Variants in MAP2K5 observed in about 807,000 individuals in gnomAD.
MAP2K5 encodes dual specificity mitogen-activated protein kinase kinase 5.
A neutral mutation model predicts 83.1 loss-of-function variants in MAP2K5; 49 were observed. The observed-to-expected ratio is 0.59, with a 90% CI of 0.47 to 0.75. The LOEUF (loss-of-function observed/expected upper bound fraction) is 0.75. Among genes scored for constraint, MAP2K5 ranks in the 30% least tolerant of loss-of-function variants. The probability of loss-of-function intolerance (pLI) is 0.00; values close to 1 mark genes in which losing one functional copy is unlikely to be tolerated. For missense variants in MAP2K5, 457 were observed against 557.5 expected (o/e 0.82, Z 1.82); for synonymous variants, 202 against 191.8 (o/e 1.05, Z -0.44).
At chr15:67,692,236 T>A (rs2088131887) in intron 13 of MAP2K5, among the ~76,000 whole-genome samples, 1 of 152,214 alleles carries the variant, frequency 6.6e-6, no homozygotes, top group African/African-American at 2.4e-5. Flanking sequence ...TTGATTTCAC[T>A]GTCACTTAAA....
intron 17 of MAP2K5, among the ~76,000 whole-genome samples, chr15:67,735,642 G>A (rs939403480): frequency 5.3e-5 from 8 of 152,216 alleles, no homozygotes; most frequent in Non-Finnish European, 8.8e-5. Flanking sequence ...GGAAAAGGGA[G>A]TGGTCAGCTC....
rs79137260 is a variant in MAP2K5 at position 67,731,368 on chromosome 15, A to G, written c.1074+3423A>G. Reference sequence around the variant, plus strand: ...GCCCTGGGAGCAACATAAAGGTTAAAGGGCTGGGTTTTTGTTGAGATAGCC... The same window carrying G: ...GCCCTGGGAGCAACATAAAGGTTAAGGGGCTGGGTTTTTGTTGAGATAGCC... On this transcript the variant is annotated intron_variant, in intron 17 of 21. Coordinates refer to ENST00000178640, the MANE Select transcript of MAP2K5 (RefSeq NM_145160.3). Among the ~76,000 whole-genome samples the G allele has an allele frequency of 9.2e-3, 1,403 of 152,272 alleles. 23 individuals are homozygous for G. The highest frequency in any genetic ancestry group is 0.032 in the African/African-American group (1,338 of 41,550).
intron 2 of MAP2K5, among the ~76,000 whole-genome samples, chr15:67,550,675 A>G (rs780432094): frequency 4.6e-5 from 7 of 151,826 alleles, no homozygotes; most frequent in Non-Finnish European, 1.0e-4. Flanking sequence ...ACGATGAGAT[A>G]GTCAGTAGCA....
chr15:67,638,511 C>A lies in MAP2K5; in HGVS notation c.585+7584C>A, dbSNP rs879219010. 6.6e-6 allele frequency among the ~76,000 whole-genome samples: 1 copy of A among 152,028 alleles called. No homozygotes were observed. The highest frequency in any genetic ancestry group is 2.4e-5 in the African/African-American group (1 of 41,382). On this transcript the variant is annotated intron_variant, in intron 9 of 21. Coordinates refer to ENST00000178640, the MANE Select transcript of MAP2K5 (RefSeq NM_145160.3). This position sits in a 1 kb window ranked among gnomAD's most constrained non-coding sequence, Gnocchi z 4.5. ...GGTTGATTCCATGTCTTTGCTATTGCGAATAGTGCTGCAATGACCATTTGC... is the reference window on the plus strand; with the variant it reads ...GGTTGATTCCATGTCTTTGCTATTGAGAATAGTGCTGCAATGACCATTTGC...
chr15:67,662,244 G>A (rs1036678266), intron 12 of MAP2K5, among the ~76,000 whole-genome samples: 16 of 152,124 alleles, frequency 1.1e-4, no homozygotes, highest in African/African-American at 3.9e-4. Flanking sequence ...TAGATCTTTA[G>A]TATTTGGGAA....
In MAP2K5 at chr15:67,610,744, A is replaced by G. The variant is rs115837796; in HGVS notation, c.545+9995A>G. Among the ~76,000 whole-genome samples the G allele has an allele frequency of 8.2e-3, 1,251 of 152,292 alleles. 19 individuals are homozygous for G. The highest frequency in any genetic ancestry group is 0.029 in the African/African-American group (1,185 of 41,564). On this transcript the variant is annotated intron_variant, in intron 8 of 21. Transcript: ENST00000178640. ...CGTTGAATTGGAGGAGCAGTTTGCA[A>G]AATTTGAGGGGGAATAGCAGTAGAG...
chr15:67,632,324 T>C (rs977988837), intron 9 of MAP2K5, among the ~76,000 whole-genome samples: 2 of 152,172 alleles, frequency 1.3e-5, no homozygotes, highest in African/African-American at 2.4e-5. Context: ...GGTCATGAAC[T>C]CCTGGGCTTA....
At chr15:67,686,391 G>T (rs1045093303) in intron 13 of MAP2K5, among the ~76,000 whole-genome samples, 1 of 152,068 alleles carries the variant, frequency 6.6e-6, no homozygotes, top group African/African-American at 2.4e-5. Flanking sequence ...CAGATCACGT[G>T]AGTTCAGGAG....
rs556499491 is a variant in MAP2K5, at chr15:67,723,485, C to G, written c.1045-4431C>G. 2.0e-5 allele frequency among the ~76,000 whole-genome samples: 3 copies of G among 152,246 alleles called. No individual in the cohort carries two copies. The East Asian group carries it at 5.8e-4, about 29-fold the overall frequency. ...CCAACTGGTAACACTTCAGACCATTCTTTTTCAGCCTTTTACATAATAAAC... is the reference window on the plus strand; with the variant it reads ...CCAACTGGTAACACTTCAGACCATTGTTTTTCAGCCTTTTACATAATAAAC... On this transcript the variant is annotated intron_variant, in intron 16 of 21. Transcript: ENST00000178640.
In MAP2K5 at chr15:67,640,474, C is replaced by T; in HGVS notation, c.586-5757C>T. The T allele has an allele frequency of 2.1e-6, 1 of 467,740 alleles. No individual in the cohort carries two copies. The highest frequency in any genetic ancestry group is 2.8e-6 in the Non-Finnish European group (1 of 356,496). The allele number at this position is 467,740 out of a possible 1,614,324, so 29.0% of individuals were successfully genotyped here. On this transcript the variant is annotated intron_variant, in intron 9 of 21. Coordinates refer to ENST00000178640, the MANE Select transcript of MAP2K5 (RefSeq NM_145160.3). This position sits in a 1 kb window ranked among gnomAD's most constrained non-coding sequence, Gnocchi z 4.6. The stretch of plus-strand genomic sequence containing the variant: ...GACTTCAAGCATGTCACTTGAACCT[C>T]CCAGTGACCTCAGCTGTGAAACGGG...
rs765589789 is a variant in MAP2K5 at position 67,806,827 on chromosome 15, G to A, written c.*77G>A. On this transcript the variant is annotated 3_prime_UTR_variant, in exon 22 of 22. Transcript: ENST00000178640. ...CACCCGTCGCCCTTCTCCGTATGCT[G>A]CCTGCGCCAGAAGAGCTTTGCTGGG... is the stretch of plus-strand genomic sequence containing the variant. 6.3e-7 allele frequency: 1 copy of A among 1,597,836 alleles called. No individual in the cohort carries two copies. Among genetic ancestry groups the A allele is most frequent in the East Asian group, 2.2e-5 (1 of 44,838 alleles).
rs139749612 is a variant in MAP2K5, at chr15:67,609,213, T to C, written c.545+8464T>C. 2.8e-3 allele frequency among the ~76,000 whole-genome samples: 426 copies of C among 152,300 alleles called. 2 individuals carry two copies. The highest frequency in any genetic ancestry group is 9.9e-3 in the African/African-American group (413 of 41,566). ...CCTTATGTCAGGTGTTGCTTGGTTT[T>C]GTTTAGTCTATATTCATTTTTCACT... On this transcript the variant is annotated intron_variant, in intron 8 of 21. Transcript: ENST00000178640.
Position 67,748,602 on chromosome 15 carries a change from G to A in MAP2K5, c.1134+1G>A. On this transcript the variant is annotated splice_donor_variant, in intron 19 of 21. Coordinates refer to ENST00000178640, the MANE Select transcript of MAP2K5 (RefSeq NM_145160.3). LOFTEE classifies it high-confidence loss of function. The surrounding 1 kb of genome is among the most constrained non-coding windows in gnomAD (Gnocchi z 4.0). ...GCTTCTGCAGTGCATTGTTGATGAG[G>A]TGAGGCATCGTCTTATGTGCTTTCA... 1 of 1,613,844 alleles carries A rather than the reference G, an allele frequency of 6.2e-7. No homozygotes were observed. The highest frequency in any genetic ancestry group is 8.5e-7 in the Non-Finnish European group (1 of 1,179,770).
intron 21 of MAP2K5, among the ~76,000 whole-genome samples, chr15:67,787,092 TG>T (rs1340337079): frequency 6.6e-6 from 1 of 152,130 alleles, no homozygotes; most frequent in East Asian, 1.9e-4. Context: ...ACGCACTTGT[TG>T]GTTCTTAAGC....
At chr15:67,727,167 T>C (rs1054941365) in intron 16 of MAP2K5, among the ~76,000 whole-genome samples, 38 of 152,200 alleles carry the variant, frequency 2.5e-4, no homozygotes, top group Admixed American at 2.5e-3. Flanking sequence ...GCCACTGCAC[T>C]CCAGTCTGGG....
In MAP2K5 at chr15:67,768,883, G is replaced by A. The variant is rs1349568956; in HGVS notation, c.1135-719G>A. Among the ~76,000 whole-genome samples, 1 of 152,190 alleles carries A rather than the reference G, an allele frequency of 6.6e-6. No individual in the cohort carries two copies. The highest frequency in any genetic ancestry group is 1.9e-4 in the East Asian group (1 of 5,200). On this transcript the variant is annotated intron_variant, in intron 19 of 21. Coordinates refer to ENST00000178640, the MANE Select transcript of MAP2K5 (RefSeq NM_145160.3). This position sits in a 1 kb window ranked among gnomAD's most constrained non-coding sequence, Gnocchi z 4.0. ...TCCTTTGCAAACGGTAATGGGGTTTGCTCTTTGTATTATGTGGTGGTGGTT... is the reference window on the plus strand; with the variant it reads ...TCCTTTGCAAACGGTAATGGGGTTTACTCTTTGTATTATGTGGTGGTGGTT...
intron 11 of MAP2K5, 122 bp downstream of exon 11, chr15:67,646,591 C>T (rs2086836385): frequency 1.1e-5 from 6 of 527,610 alleles, no homozygotes; most frequent in Admixed American, 3.7e-5. Context: ...ATAATTACCT[C>T]ATTTATACTC....
intron 8 of MAP2K5, among the ~76,000 whole-genome samples, chr15:67,619,052 C>T (rs1234252316): frequency 6.6e-6 from 1 of 152,176 alleles, no homozygotes; most frequent in Non-Finnish European, 1.5e-5. Flanking sequence ...TCATCTCCCC[C>T]AGCTAGCCCT....
At chr15:67,804,106 G>A (rs1462854393) in intron 21 of MAP2K5, among the ~76,000 whole-genome samples, 5 of 152,150 alleles carry the variant, frequency 3.3e-5, no homozygotes, top group African/African-American at 1.2e-4. Flanking sequence ...CCAGGCTCTG[G>A]GTGTAATGGC....
Sources: gnomAD v4.1 joint callset for allele counts (sites outside exome capture counted in the v4.1 genomes callset) on GRCh38, gnomAD v4.1.1 for gene constraint, Gnocchi (gnomAD v3.1) non-coding constraint, MANE v1.5 for transcripts, NCBI Gene and HGNC (gene_info 2026-07-23, HGNC 2026-07-21) for gene names.